The following EPB41L4A variants were observed in gnomAD, a reference collection of about 807,000 sequenced individuals.
EPB41L4A encodes the protein band 4.1-like protein 4A.
Under a neutral mutation model 108.6 loss-of-function variants are expected in EPB41L4A, and 100 were observed. The observed-to-expected ratio is 0.92, with a 90% confidence interval of 0.78 to 1.09. The LOEUF (loss-of-function observed/expected upper bound fraction) is 1.09, where lower values mean the gene tolerates loss of function less well. Among genes scored for constraint, EPB41L4A ranks in the 50% least tolerant of loss-of-function variants. The pLI is 0.00. For synonymous variants in EPB41L4A, 319 were observed against 289.0 expected, an observed-to-expected ratio of 1.10 and a Z score of -1.05; for missense variants, 1,030 against 842.7, an observed-to-expected ratio of 1.22 and a Z score of -2.75.
intron 1 of EPB41L4A, among the ~76,000 whole-genome samples, chr5:112,352,950 A>G (rs1202774443): frequency 6.6e-6 from 1 of 152,132 alleles, no homozygotes. Flanking sequence ...TCTTCTTCCA[A>G]TTCTTTGGAT....
chr5:112,170,316 G>T lies in EPB41L4A; in HGVS notation c.1724C>A (p.Pro575Gln), dbSNP rs764564648. ...GLSEEQLKEI[P>Q]YTKIETQGDP... The stretch of plus-strand genomic sequence containing the variant: ...AGGCACTCACTCTATTTTAGTGTAT[G>T]GAATCTCTTTTAATTGTTCTTCGGA... Residue 575 changes from proline to glutamine, a missense_variant, in exon 20 of 23, where the codon CCA becomes CAA. By Grantham distance (76) the Pro-to-Gln change is moderately conservative. Coordinates refer to ENST00000261486, the MANE Select transcript of EPB41L4A (RefSeq NM_022140.5). The T allele has an allele frequency of 6.2e-7, 1 of 1,613,408 alleles. No homozygotes were observed. Among genetic ancestry groups the T allele is most frequent in the Non-Finnish European group, 8.5e-7 (1 of 1,179,726 alleles).
chr5:112,227,614 G>A (rs745702442), intron 12 of EPB41L4A, among the ~76,000 whole-genome samples: 15 of 152,134 alleles, frequency 9.9e-5, no homozygotes, highest in South Asian at 2.1e-4. Context: ...TTACTGGATC[G>A]CACTGATACA....
chr5:112,195,368 A>G (rs543525778), intron 16 of EPB41L4A, among the ~76,000 whole-genome samples: 2 of 151,932 alleles, frequency 1.3e-5, no homozygotes, highest in Non-Finnish European at 2.9e-5. Flanking sequence ...CAATGGACAG[A>G]ATTATACTAG....
chr5:112,383,180 G>A (rs1317533544), intron 1 of EPB41L4A, among the ~76,000 whole-genome samples: 2 of 152,168 alleles, frequency 1.3e-5, no homozygotes, highest in Non-Finnish European at 2.9e-5. Context: ...GCTCCCAAAG[G>A]CTGGGGAACT....
chr5:112,161,534 A>C (rs1162132357), downstream of EPB41L4A: 1 of 519,224 alleles, frequency 1.9e-6, no homozygotes, highest in Non-Finnish European at 3.8e-6. Context: ...GTGGTGTCAA[A>C]AAAGGCGTAA....
chr5:112,241,048 T>C (rs1457056267), intron 9 of EPB41L4A, among the ~76,000 whole-genome samples: 1 of 152,206 alleles, frequency 6.6e-6, no homozygotes, highest in African/African-American at 2.4e-5. Context: ...TACTTTTACA[T>C]TGCCCCATGA....
chr5:112,166,258 T>C (rs995309845), intron 22 of EPB41L4A, among the ~76,000 whole-genome samples: 1 of 152,244 alleles, frequency 6.6e-6, no homozygotes, highest in African/African-American at 2.4e-5. Context: ...CTTAAAGTTG[T>C]ACCTTAAAAA....
chr5:112,307,900 C>T (rs1754799004), intron 1 of EPB41L4A, among the ~76,000 whole-genome samples: 1 of 152,100 alleles, frequency 6.6e-6, no homozygotes, highest in Non-Finnish European at 1.5e-5. Context: ...GCATTACTCT[C>T]ACAATGAATA....
chr5:112,334,725 A>C (rs1756805361), intron 1 of EPB41L4A, among the ~76,000 whole-genome samples: 1 of 152,096 alleles, frequency 6.6e-6, no homozygotes, highest in Non-Finnish European at 1.5e-5. Context: ...AAAATGTATA[A>C]AACCAAGCTG....
intron 12 of EPB41L4A, among the ~76,000 whole-genome samples, chr5:112,227,450 C>G (rs1748546700): frequency 6.6e-6 from 1 of 152,192 alleles, no homozygotes; most frequent in Admixed American, 6.5e-5. Flanking sequence ...CAAGTTCTGA[C>G]AAGATACTCA....
intron 1 of EPB41L4A, among the ~76,000 whole-genome samples, chr5:112,368,014 T>C (rs1759244539): frequency 6.6e-6 from 1 of 152,220 alleles, no homozygotes; most frequent in Admixed American, 6.5e-5. Context: ...TGATCAACAA[T>C]TGTACTGACC....
At chr5:112,294,210 T>A (rs982619008) in intron 2 of EPB41L4A, among the ~76,000 whole-genome samples, 10 of 152,222 alleles carry the variant, frequency 6.6e-5, no homozygotes, top group Non-Finnish European at 1.0e-4. Context: ...TCTTTTTTTT[T>A]AAATGTAAGT....
chr5:112,185,100 T>C (rs1252002169), intron 17 of EPB41L4A, among the ~76,000 whole-genome samples: 1 of 152,078 alleles, frequency 6.6e-6, no homozygotes, highest in Admixed American at 6.5e-5. Context: ...GCCTTTTTTT[T>C]TTTTTTTGGC....
intron 1 of EPB41L4A, among the ~76,000 whole-genome samples, chr5:112,329,489 G>C (rs952237145): frequency 1.3e-5 from 2 of 152,076 alleles, no homozygotes; most frequent in African/African-American, 4.8e-5. Flanking sequence ...TGGGTGACCT[G>C]GAACTGCCAC....
intron 1 of EPB41L4A, among the ~76,000 whole-genome samples, chr5:112,314,019 A>G (rs1387392794): frequency 6.6e-6 from 1 of 151,846 alleles, no homozygotes; most frequent in Non-Finnish European, 1.5e-5. Flanking sequence ...GCCCACCACC[A>G]TGCCCGGCTA....
At chr5:112,290,712 T>C (rs1274830918) in intron 2 of EPB41L4A, among the ~76,000 whole-genome samples, 1 of 152,136 alleles carries the variant, frequency 6.6e-6, no homozygotes, top group Non-Finnish European at 1.5e-5. Flanking sequence ...ACTGTAGTAA[T>C]TTAAAATATA....
rs375347609 is a variant in EPB41L4A, at chr5:112,170,003, A to G, written c.1739+298T>C. Reference sequence around the variant, plus strand: ...TTCTCTTGGTGTAAAATAATGGATAAAAAACTTTATCAGTGAGAATCTCAG... The same window carrying G: ...TTCTCTTGGTGTAAAATAATGGATAGAAAACTTTATCAGTGAGAATCTCAG... On this transcript the variant is annotated intron_variant, in intron 20 of 22. Coordinates refer to ENST00000261486, the MANE Select transcript of EPB41L4A (RefSeq NM_022140.5). 2.3e-4 allele frequency: 81 copies of G among 346,042 alleles called. No homozygotes were observed. The South Asian group carries it at 2.8e-3, about 12-fold the overall frequency. 21.4% of individuals were successfully genotyped at this position (346,042 alleles called of 1,614,324 possible).
rs1561585529 is a variant in EPB41L4A, at chr5:112,339,524, A to ATCTC, written c.100-32035_100-32034insGAGA. ...TATATATATATAGATATATAGATAT[A>ATCTC]TATCTATATATATATATATTTTTTT... On this transcript the variant is annotated intron_variant, in intron 1 of 22. Coordinates refer to ENST00000261486, the MANE Select transcript of EPB41L4A (RefSeq NM_022140.5). 1.0e-4 allele frequency among the ~76,000 whole-genome samples: 6 copies of ATCTC among 58,100 alleles called. No homozygotes were observed. In the East Asian group the frequency reaches 3.8e-3, roughly 37 times the overall value. 38.1% of individuals were successfully genotyped at this position (58,100 alleles called of 152,430 possible).
At chr5:112,256,157 C>T (rs1751070780) in intron 9 of EPB41L4A, among the ~76,000 whole-genome samples, 1 of 152,132 alleles carries the variant, frequency 6.6e-6, no homozygotes. Flanking sequence ...AAGTAACAGC[C>T]TTAGTTCTCA....
Sources: allele counts gnomAD v4.1 joint callset (sites outside exome capture counted in the v4.1 genomes callset), GRCh38; gene constraint gnomAD v4.1.1; transcripts MANE v1.5; gene names NCBI Gene and HGNC (gene_info 2026-07-23, HGNC 2026-07-21).